The following NEB variants were observed in gnomAD, a reference collection of about 807,000 sequenced individuals.
The protein encoded by NEB is nemaline myopathy type 2.
NEB carries 512 observed loss-of-function variants against 952.2 expected under a neutral mutation model. The ratio of observed to expected loss-of-function variants is 0.54; its 90% CI spans 0.50 to 0.58. The LOEUF is 0.58. NEB is among the 20% of genes least tolerant of loss of function. The pLI is 0.00. For missense variants in NEB, 8,428 were observed against 9,231.1 expected, an observed-to-expected ratio of 0.91 and a Z score of 3.56; for synonymous variants, 2,900 against 3,149.8, an observed-to-expected ratio of 0.92 and a Z score of 2.66.
chr2:151,697,698 C>T, intron 13 of NEB, 50 bp from the exon 14 acceptor site: 1 of 1,098,708 alleles, frequency 9.1e-7, no homozygotes. Context: ...CACTCCCACG[C>T]TGATTATAAC....
intron 74 of NEB, 158 bp from the exon 75 acceptor site, chr2:151,617,626 A>C (rs999921235): frequency 4.6e-5 from 24 of 527,264 alleles, no homozygotes; most frequent in Non-Finnish European, 7.2e-5. Context: ...TTTCTTATTA[A>C]AATTCTTTCA....
At chr2:151,564,534 G>A (rs2096270622) in intron 117 of NEB, among the ~76,000 whole-genome samples, 2 of 152,164 alleles carry the variant, frequency 1.3e-5, no homozygotes, top group African/African-American at 4.8e-5. Context: ...GGAGAGAACT[G>A]GCAAATATTC....
intron 181 of NEB, chr2:151,486,660 T>C (rs1448052442): frequency 1.3e-5 from 2 of 152,226 alleles, no homozygotes; most frequent in African/African-American, 2.4e-5. Flanking sequence ...AGATCTATTA[T>C]TGGGTAGTAA....
At chr2:151,634,020 G>A (rs956490483) in intron 64 of NEB, 55 bp from the exon 65 acceptor site, 80 of 1,549,796 alleles carry the variant, frequency 5.2e-5, no homozygotes, top group Non-Finnish European at 6.4e-5. Context: ...GAGGCCACAA[G>A]TCTGTGCAAA....
At position 151,667,305 on chromosome 2, in the gene NEB, GTTT is replaced by G. The variant is rs892975465; in HGVS notation, c.4719+496_4719+498del. On this transcript the variant is annotated intron_variant, in intron 40 of 181. Coordinates refer to ENST00000397345, the MANE Select transcript of NEB (RefSeq NM_001164508.2). ...CATGACAAAATCCAAATAAAAAGTGGTTTTTAAGTTCATAACAATGATACTAAT... is the reference window on the plus strand; with the variant it reads ...CATGACAAAATCCAAATAAAAAGTGGTTAAGTTCATAACAATGATACTAAT... Among the ~76,000 whole-genome samples, 31 of 151,984 alleles carry G rather than the reference GTTT, an allele frequency of 2.0e-4. 1 individual carries two copies. The highest frequency in any genetic ancestry group is 7.5e-4 in the African/African-American group (31 of 41,502).
chr2:151,565,584 G>T lies in NEB; in HGVS notation c.18283C>A (p.Leu6095Ile). The T allele has an allele frequency of 6.3e-7, 1 of 1,597,470 alleles. No individual in the cohort carries two copies. The change falls in exon 116 of 182, where the codon CTT becomes ATT. Residue 6095 changes from leucine (L) to isoleucine (I), a missense_variant. Leu to Ile is a conservative substitution (Grantham distance 5, BLOSUM62 2). This residue lies in a region of NEB where 3,374 missense variants were observed against 3,651.5 expected (regional missense o/e 0.92). Coordinates refer to ENST00000397345, the MANE Select transcript of NEB (RefSeq NM_001164508.2). The part of the protein sequence containing the change: ...MSQIKYKKNA[L>I]ENYPNFRSVV... Reference sequence around the variant, plus strand: ...CTTCTAAAGTTAGGATAGTTTTCAAGGGCATTTTTCTTATATTTGATCTGT... The same window carrying T: ...CTTCTAAAGTTAGGATAGTTTTCAATGGCATTTTTCTTATATTTGATCTGT...
chr2:151,531,666 C>T (rs187197381), intron 144 of NEB, 126 bp downstream of exon 144: 74 of 736,574 alleles, frequency 1.0e-4, no homozygotes, highest in Admixed American at 2.5e-4. Flanking sequence ...CAGGACATCT[C>T]GCACCCCTGC....
At chr2:151,641,445 C>A (rs998395156) in intron 60 of NEB, among the ~76,000 whole-genome samples, 1 of 152,212 alleles carries the variant, frequency 6.6e-6, no homozygotes, top group East Asian at 1.9e-4. Flanking sequence ...GATCCTCCCA[C>A]CTCAGCTTCT....
Position 151,505,566 on chromosome 2 carries a change from T to C in NEB, c.23654A>G (p.Lys7885Arg), listed in dbSNP as rs748475168. The C allele has an allele frequency of 6.2e-7, 1 of 1,611,884 alleles. No homozygotes were observed. Among genetic ancestry groups the C allele is most frequent in the Admixed American group, 1.7e-5 (1 of 60,022 alleles). The change falls in exon 165 of 182, where the codon AAG becomes AGG. Residue 7885 changes from lysine to arginine, a missense_variant. Coordinates refer to ENST00000397345, the MANE Select transcript of NEB (RefSeq NM_001164508.2). ...TCCTTGTCCTATTGCTTCCTTATAC[T>C]TCACCTGCAGATTTAAAAATGGGAA... ...KQTQDHISSV[K>R]YKEAIGQGTP...
intron 37 of NEB, among the ~76,000 whole-genome samples, chr2:151,672,000 C>A (rs1400301739): frequency 6.7e-6 from 1 of 149,564 alleles, no homozygotes; most frequent in East Asian, 2.0e-4. Flanking sequence ...AAAAAAAACA[C>A]CTTTCCCAAA....
rs2079299724 is a variant in NEB, at chr2:151,518,206, C to CTTA, written c.22800+109_22800+111dup. 4 of 818,422 alleles carry CTTA rather than the reference C, an allele frequency of 4.9e-6. No homozygotes were observed. In the East Asian group the frequency reaches 9.7e-5, roughly 20 times the overall value. 50.7% of individuals were successfully genotyped at this position (818,422 alleles called of 1,614,324 possible). On this transcript the variant is annotated intron_variant, in intron 156 of 181. Transcript: ENST00000397345. ...CAAAAAGTTACCAGATTCAAAACCC[C>CTTA]TTATATCTTTGTGCATTTTCTCAAA...
intron 165 of NEB, among the ~76,000 whole-genome samples, chr2:151,504,926 T>G (rs2067588641): frequency 6.6e-6 from 1 of 151,894 alleles, no homozygotes; most frequent in African/African-American, 2.4e-5. Flanking sequence ...ACCACTGCAT[T>G]TACTAGATGG....
At chr2:151,640,690 G>A in intron 60 of NEB, 24 bp from the exon 61 acceptor site, 6 of 1,593,844 alleles carry the variant, frequency 3.8e-6, no homozygotes, top group Non-Finnish European at 5.1e-6. Context: ...AAGACAGATA[G>A]TCATCTGTTT....
Position 151,485,697 on chromosome 2 carries a change from T to C in NEB, c.*63A>G, listed in dbSNP as rs1265309687. ...AGAACTTAGGTAACAGTGGAGAGTC[T>C]AAACCGAAACATTGACTGCAGGATC... On this transcript the variant is annotated 3_prime_UTR_variant, in exon 182 of 182. Transcript: ENST00000397345. 6.6e-7 allele frequency: 1 copy of C among 1,515,576 alleles called. No homozygotes were observed. Among genetic ancestry groups the C allele is most frequent in the Non-Finnish European group, 8.9e-7 (1 of 1,121,160 alleles). 93.9% of individuals were successfully genotyped at this position (1,515,576 alleles called of 1,614,324 possible).
intron 29 of NEB, 132 bp from the exon 30 acceptor site, chr2:151,680,960 T>A (rs567375307): frequency 7.5e-5 from 56 of 744,874 alleles, no homozygotes; most frequent in South Asian, 6.2e-4. Context: ...AACACTAGAT[T>A]CTTGATTGGC....
At chr2:151,716,056 A>G (rs2099758058) in intron 10 of NEB, 1 of 371,288 alleles carries the variant, frequency 2.7e-6, no homozygotes, top group African/African-American at 2.1e-5. Context: ...CCACTTGAAA[A>G]CACCTTTTTA....
At chr2:151,632,313 G>C (rs1385661697) in intron 65 of NEB, among the ~76,000 whole-genome samples, 1 of 126,240 alleles carries the variant, frequency 7.9e-6, no homozygotes, top group African/African-American at 2.7e-5. Context: ...TTGTAGTCTA[G>C]ACAAAAAAAA....
rs79832534 is a variant in NEB, at chr2:151,635,445, G to A, written c.9102+782C>T. Among the ~76,000 whole-genome samples the A allele has an allele frequency of 8.5e-5, 13 of 152,158 alleles. No individual in the cohort carries two copies. The East Asian group carries it at 2.1e-3, about 25-fold the overall frequency. Reference sequence around the variant, plus strand: ...GCTATTGCTAAGAGTGTGACCTCACGCTTGTAAAACCAGCACTTTGGGAGC... The same window carrying A: ...GCTATTGCTAAGAGTGTGACCTCACACTTGTAAAACCAGCACTTTGGGAGC... On this transcript the variant is annotated intron_variant, in intron 64 of 181. Transcript: ENST00000397345.
At chr2:151,625,932 A>C (rs1400677148) in intron 70 of NEB, among the ~76,000 whole-genome samples, 1 of 152,186 alleles carries the variant, frequency 6.6e-6, no homozygotes, top group African/African-American at 2.4e-5. Flanking sequence ...CAATTAAATA[A>C]AAAGCAAGTA....
Sources: gnomAD v4.1 joint callset for allele counts (sites outside exome capture counted in the v4.1 genomes callset) on GRCh38, gnomAD v4.1.1 for gene constraint, gnomAD v4.1.1 regional missense constraint, MANE v1.5 for transcripts, NCBI Gene and HGNC (gene_info 2026-07-23, HGNC 2026-07-21) for gene names.